LYZL1: variants seen among roughly 807,000 people sequenced by gnomAD.
LYZL1 encodes lysozyme like 1, also known as lysozyme-like protein 1.
A neutral mutation model predicts 17.9 loss-of-function variants in LYZL1; 16 were observed. That is an observed-to-expected ratio of 0.90 (90% CI 0.61 to 1.36). The LOEUF (loss-of-function observed/expected upper bound fraction) is 1.36. Among genes scored for constraint, LYZL1 ranks in the 40% most tolerant of loss-of-function variants. The probability of loss-of-function intolerance (pLI) is 0.00; values close to 1 mark genes in which losing one functional copy is unlikely to be tolerated. For missense variants in LYZL1, 149 were observed against 188.4 expected, an observed-to-expected ratio of 0.79 and a Z score of 1.22; for synonymous variants, 58 against 71.8, an observed-to-expected ratio of 0.81 and a Z score of 0.97.
At chr10:29,307,589 G>T (rs984801968) in intron 3 of LYZL1, among the ~76,000 whole-genome samples, 12 of 152,174 alleles carry the variant, frequency 7.9e-5, no homozygotes, top group African/African-American at 4.8e-5. Flanking sequence ...GCTCTCAATG[G>T]ATATTTTTAT....
downstream of LYZL1, among the ~76,000 whole-genome samples, chr10:29,315,519 AT>A (rs1384535142): frequency 6.6e-6 from 1 of 151,870 alleles, no homozygotes; most frequent in Non-Finnish European, 1.5e-5. Context: ...TCAAAAATAA[AT>A]AAAAATAAAT....
downstream of LYZL1, among the ~76,000 whole-genome samples, chr10:29,314,380 C>T (rs541859151): frequency 1.6e-4 from 24 of 152,172 alleles, no homozygotes; most frequent in Non-Finnish European, 2.5e-4. Flanking sequence ...TGTTGGCCAG[C>T]ACTGCAGGAG....
intron 3 of LYZL1, among the ~76,000 whole-genome samples, chr10:29,306,321 C>G (rs1835588706): frequency 7.3e-6 from 1 of 137,448 alleles, no homozygotes; most frequent in South Asian, 2.3e-4. Context: ...GAGGCCGAGG[C>G]GGGCGGATCA....
chr10:29,317,607 C>A (rs1835747356), intron 4 of LYZL1, among the ~76,000 whole-genome samples: 1 of 152,196 alleles, frequency 6.6e-6, no homozygotes, highest in Non-Finnish European at 1.5e-5. Flanking sequence ...ACTGCCAGAG[C>A]TAAGCCCAAC....
chr10:29,307,816 T>C (rs1026527745), intron 3 of LYZL1, among the ~76,000 whole-genome samples: 1 of 152,216 alleles, frequency 6.6e-6, no homozygotes, highest in South Asian at 2.1e-4. Context: ...TCTAGCATCA[T>C]GACTGTTTCC....
intron 2 of LYZL1, among the ~76,000 whole-genome samples, chr10:29,292,207 G>T (rs1255470347): frequency 6.7e-6 from 1 of 150,090 alleles, no homozygotes; most frequent in Non-Finnish European, 1.5e-5. Flanking sequence ...TATTCCTGGA[G>T]TCCTGTCCTT....
chr10:29,315,588 C>T (rs117816438), downstream of LYZL1, among the ~76,000 whole-genome samples: 801 of 152,148 alleles, frequency 5.3e-3, 4 homozygotes, highest in Non-Finnish European at 6.7e-3. Flanking sequence ...TGCAGTGGCT[C>T]ATGCCTGTAA....
downstream of LYZL1, among the ~76,000 whole-genome samples, chr10:29,312,302 T>C (rs1194486717): frequency 1.3e-5 from 2 of 152,144 alleles, no homozygotes; most frequent in Non-Finnish European, 1.5e-5. Context: ...CCATGGCCTA[T>C]GAGCTGCATG....
intron 3 of LYZL1, among the ~76,000 whole-genome samples, chr10:29,306,563 A>G (rs1313633523): frequency 7.4e-5 from 10 of 135,298 alleles, no homozygotes; most frequent in Admixed American, 6.5e-4. Context: ...AAAAAAAAAA[A>G]AAAAAAAAAA....
chr10:29,303,296 CT>C (rs969083904), intron 3 of LYZL1, among the ~76,000 whole-genome samples: 5 of 152,156 alleles, frequency 3.3e-5, no homozygotes, highest in African/African-American at 1.2e-4. Flanking sequence ...CATCCCCTGC[CT>C]GGTTCTACCT....
At chr10:29,304,193 A>C (rs1056264881) in intron 3 of LYZL1, among the ~76,000 whole-genome samples, 3 of 152,230 alleles carry the variant, frequency 2.0e-5, no homozygotes, top group Admixed American at 2.0e-4. Flanking sequence ...AGCATACATA[A>C]GCACACACGT....
At chr10:29,300,537 A>G (rs1157924975) in intron 3 of LYZL1, among the ~76,000 whole-genome samples, 1 of 152,162 alleles carries the variant, frequency 6.6e-6, no homozygotes, top group African/African-American at 2.4e-5. Flanking sequence ...TAAATTTTTA[A>G]ATGAGAAAAA....
chr10:29,305,893 C>G (rs1271698162), intron 3 of LYZL1, among the ~76,000 whole-genome samples: 7 of 152,116 alleles, frequency 4.6e-5, no homozygotes, highest in Admixed American at 2.0e-4. Context: ...ATAGCATGCT[C>G]GAGGGAAAAT....
chr10:29,318,246 A>G (rs1835753032), exon 5 of LYZL1: 2 of 951,598 alleles, frequency 2.1e-6, no homozygotes, highest in Non-Finnish European at 2.5e-6. Context: ...TGGCAACATA[A>G]TTCTTGGTGA....
At chr10:29,310,767 C>G (rs1835660427) in intron 4 of LYZL1, among the ~76,000 whole-genome samples, 1 of 152,190 alleles carries the variant, frequency 6.6e-6, no homozygotes, top group Non-Finnish European at 1.5e-5. Flanking sequence ...CCCATCCTTA[C>G]AAAAGTTGAT....
chr10:29,306,013 G>A (rs1328326473), intron 3 of LYZL1, among the ~76,000 whole-genome samples: 2 of 152,148 alleles, frequency 1.3e-5, no homozygotes, highest in Admixed American at 6.5e-5. Context: ...ATCAAAAATA[G>A]TGCATTTCTA....
chr10:29,297,357 A>G (rs140102676), intron 3 of LYZL1, among the ~76,000 whole-genome samples: 1 of 152,352 alleles, frequency 6.6e-6, no homozygotes, highest in African/African-American at 2.4e-5. Context: ...TTCCAGAACT[A>G]AAGAGCATGT....
chr10:29,310,932 A>G lies in LYZL1; in HGVS notation c.378-58A>G, dbSNP rs566684331. 3.0e-4 allele frequency: 486 copies of G among 1,613,856 alleles called. 4 individuals carry two copies. The East Asian group carries it at 8.1e-3, about 27-fold the overall frequency. On this transcript the variant is annotated intron_variant, in intron 4 of 4. Transcript: ENST00000649382. The stretch of plus-strand genomic sequence containing the variant: ...GTTAATTTCTGTAGGCTTTGAAACT[A>G]AGACGGTTTGGATTGTCACGCTTCT...
At chr10:29,294,429 A>G (rs1460275000) in intron 3 of LYZL1, among the ~76,000 whole-genome samples, 2 of 152,232 alleles carry the variant, frequency 1.3e-5, no homozygotes, top group Non-Finnish European at 2.9e-5. Context: ...AATGATGGTC[A>G]TGGTTGGTGA....
Sources: gnomAD v4.1 joint callset for allele counts (sites outside exome capture counted in the v4.1 genomes callset) on GRCh38, gnomAD v4.1.1 for gene constraint, MANE v1.5 for transcripts, NCBI Gene and HGNC (gene_info 2026-07-23, HGNC 2026-07-21) for gene names.